The following GMPPB variants were observed in gnomAD, a reference collection of about 807,000 sequenced individuals.
GMPPB encodes the protein mannose-1-phosphate guanylyltransferase catalytic subunit beta.
In GMPPB, 38 loss-of-function variants were observed where a neutral mutation model predicts 40.3. The ratio of observed to expected loss-of-function variants is 0.94; its 90% CI spans 0.73 to 1.24. GMPPB has a LOEUF of 1.24. Among genes scored for constraint, GMPPB ranks in the 50% most tolerant of loss-of-function variants. The pLI, the probability that GMPPB is intolerant of heterozygous loss-of-function variation, is 0.00. For synonymous variants in GMPPB, 193 were observed against 191.8 expected, an observed-to-expected ratio of 1.01 and a Z score of -0.05; for missense variants, 436 against 487.1, an observed-to-expected ratio of 0.90 and a Z score of 0.99.
At position 49,723,749 on chromosome 3, in the gene GMPPB, G is replaced by T; in HGVS notation, c.-23C>A. ...CATCGCGCCTGCGGACGTTGAGGGGGTGTCCCGGGCTCTGAGGTGCCTGCA... is the reference window on the plus strand; with the variant it reads ...CATCGCGCCTGCGGACGTTGAGGGGTTGTCCCGGGCTCTGAGGTGCCTGCA... On this transcript the variant is annotated 5_prime_UTR_variant, in exon 1 of 9. Coordinates refer to ENST00000308388, the MANE Select transcript of GMPPB (RefSeq NM_021971.4). The T allele has an allele frequency of 6.4e-7, 1 of 1,570,952 alleles. No individual in the cohort carries two copies. The highest frequency in any genetic ancestry group is 8.6e-7 in the Non-Finnish European group (1 of 1,165,348).
chr3:49,722,403 A>AC, intron 6 of GMPPB, 29 bp downstream of exon 6: 4 of 1,613,114 alleles, frequency 2.5e-6, no homozygotes, highest in South Asian at 1.1e-5. Flanking sequence ...GCCACAGACC[A>AC]CCCCCACCCT....
Position 49,723,714 on chromosome 3 carries a change from T to C in GMPPB, c.13A>G (p.Ile5Val). MKAL[I>V]LVGGYGTRLR... ...CGCGTCCCATAGCCCCCCACTAAGATCAGTGCCTTCATCGCGCCTGCGGAC... is the reference window on the plus strand; with the variant it reads ...CGCGTCCCATAGCCCCCCACTAAGACCAGTGCCTTCATCGCGCCTGCGGAC... The change falls in exon 1 of 9, where the codon ATC (isoleucine) becomes GTC (valine). Residue 5 changes from isoleucine to valine, a missense_variant. Coordinates refer to ENST00000308388, the MANE Select transcript of GMPPB (RefSeq NM_021971.4). The C allele has an allele frequency of 6.3e-7, 1 of 1,589,962 alleles. No individual in the cohort carries two copies.
chr3:49,720,999 C>T lies in GMPPB; in HGVS notation c.*753G>A, dbSNP rs372037773. On this transcript the variant is annotated 3_prime_UTR_variant, in exon 9 of 9. Transcript: ENST00000308388. ...AGCCAGGCATCCAACTCCAGCCCACCCTTCACTCTCCTCCCTGCAGCCCAC... is the reference window on the plus strand; with the variant it reads ...AGCCAGGCATCCAACTCCAGCCCACTCTTCACTCTCCTCCCTGCAGCCCAC... 2 of 1,609,446 alleles carry T rather than the reference C, an allele frequency of 1.2e-6. No homozygotes were observed. The highest frequency in any genetic ancestry group is 2.7e-5 in the African/African-American group (2 of 74,986).
chr3:49,720,636 G>A lies in GMPPB; in HGVS notation c.*1116C>T, dbSNP rs754168663. 2.6e-5 allele frequency: 42 copies of A among 1,600,690 alleles called. No individual in the cohort carries two copies. Among genetic ancestry groups the A allele is most frequent in the African/African-American group, 2.3e-4 (17 of 74,818 alleles). On this transcript the variant is annotated 3_prime_UTR_variant, in exon 9 of 9. Coordinates refer to ENST00000308388, the MANE Select transcript of GMPPB (RefSeq NM_021971.4). ...GCTCTGCCAGCCCCTGACCGGAAGC[G>A]CTTCTCCCTGCAGAGCTGTGAGTGG...
chr3:49,721,180 T>C lies in GMPPB; in HGVS notation c.*572A>G, dbSNP rs757971205. 44 of 1,614,040 alleles carry C rather than the reference T, an allele frequency of 2.7e-5. No individual in the cohort carries two copies. Among genetic ancestry groups the C allele is most frequent in the Non-Finnish European group, 3.6e-5 (43 of 1,180,032 alleles). The stretch of plus-strand genomic sequence containing the variant: ...GGGCAGTCCTCATCCCCTCCCCTGT[T>C]GTAGAGCCTGTATCAACCAGCACCT... On this transcript the variant is annotated 3_prime_UTR_variant, in exon 9 of 9. Transcript: ENST00000308388.
intron 4 of GMPPB, 66 bp from the exon 5 acceptor site, chr3:49,722,820 C>A: frequency 6.4e-7 from 1 of 1,551,872 alleles, no homozygotes; most frequent in Admixed American, 1.8e-5. Flanking sequence ...ACATGCCGTT[C>A]CAGATCTCAA....
rs543562624 is a variant in GMPPB, at chr3:49,720,759, C to A, written c.*993G>T. ...TGGGAATATTCAAGAGGCATCACAT[C>A]CTCAGCTACCTCTGACTTGACACTA... On this transcript the variant is annotated 3_prime_UTR_variant, in exon 9 of 9. Coordinates refer to ENST00000308388, the MANE Select transcript of GMPPB (RefSeq NM_021971.4). 7 of 1,612,060 alleles carry A rather than the reference C, an allele frequency of 4.3e-6. No individual in the cohort carries two copies. Among genetic ancestry groups the A allele is most frequent in the Admixed American group, 1.7e-5 (1 of 60,002 alleles).
intron 4 of GMPPB, 61 bp from the exon 5 acceptor site, chr3:49,722,815 C>A: frequency 6.4e-7 from 1 of 1,557,556 alleles, no homozygotes. Flanking sequence ...GATACACATG[C>A]CGTTCCAGAT....
At chr3:49,722,169 C>A (rs1251073831) in intron 7 of GMPPB, 22 bp from the exon 8 acceptor site, 8 of 1,606,540 alleles carry the variant, frequency 5.0e-6, no homozygotes, top group Non-Finnish European at 6.8e-6. Flanking sequence ...GGGAAAAATA[C>A]AAGTGGGCCA....
chr3:49,723,072 G>A lies in GMPPB; in HGVS notation c.302C>T (p.Ala101Val), dbSNP rs2080447328. The change falls in exon 4 of 9, where the codon GCA becomes GTA. Residue 101 changes from alanine (A) to valine (V), a missense_variant. By Grantham distance (64) the Ala-to-Val change is moderately conservative. Transcript: ENST00000308388. Reference sequence around the variant, plus strand: ...ACTGTTGAGGACGAAGAAAGGGTCTGCAGTCTCAGAGAGTAGGTCACGGGC... The same window carrying A: ...ACTGTTGAGGACGAAGAAAGGGTCTACAGTCTCAGAGAGTAGGTCACGGGC... ...ALARDLLSET[A>V]DPFFVLNSDV... 2 of 1,613,564 alleles carry A rather than the reference G, an allele frequency of 1.2e-6. No individual in the cohort carries two copies. Among genetic ancestry groups the A allele is most frequent in the African/African-American group, 2.7e-5 (2 of 74,906 alleles).
At position 49,720,319 on chromosome 3, in the gene GMPPB, A is replaced by G; in HGVS notation, c.*1433T>C. 2.6e-6 allele frequency: 1 copy of G among 377,590 alleles called. No homozygotes were observed. Among genetic ancestry groups the G allele is most frequent in the East Asian group, 4.7e-5 (1 of 21,252 alleles). 23.4% of individuals were successfully genotyped at this position (377,590 alleles called of 1,614,324 possible). ...CAACAGAGCGAGACTCGTCTCAAGA[A>G]AAAAAAAAAAAAAACAGGCTGTGTG... On this transcript the variant is annotated 3_prime_UTR_variant, in exon 9 of 9. Coordinates refer to ENST00000308388, the MANE Select transcript of GMPPB (RefSeq NM_021971.4).
intron 4 of GMPPB, 21 bp from the exon 5 acceptor site, chr3:49,722,775 C>T (rs1316514053): frequency 6.2e-7 from 1 of 1,602,012 alleles, no homozygotes. Flanking sequence ...GGAAGGGGAC[C>T]TCGGACCTAG....
chr3:49,722,446 G>C lies in GMPPB; in HGVS notation c.626C>G (p.Ala209Gly), dbSNP rs1277277997. The C allele has an allele frequency of 6.2e-7, 1 of 1,614,154 alleles. No individual in the cohort carries two copies. Among genetic ancestry groups the C allele is most frequent in the Non-Finnish European group, 8.5e-7 (1 of 1,180,012 alleles). Residue 209 changes from alanine to glycine, a missense_variant, in exon 6 of 9, where the codon GCC becomes GGC. Transcript: ENST00000308388. ...PIMAKEGQLY[A>G]MELQGFWMDI... ...CCCTGCCTCACCCTGTAACTCCATG[G>C]CATATAGCTGCCCCTCCTTGGCCAT...
rs1482526462 is a variant in GMPPB, at chr3:49,722,583, G to C, written c.561+13C>G. ...GCCCCACCCCAGCCCACCAACAGCT[G>C]TCTCCTACACACCTGGATGCGCTGC... On this transcript the variant is annotated intron_variant, in intron 5 of 8. Transcript: ENST00000308388. The C allele has an allele frequency of 6.2e-7, 1 of 1,613,622 alleles. No individual in the cohort carries two copies. The highest frequency in any genetic ancestry group is 1.7e-5 in the Admixed American group (1 of 60,014).
Position 49,720,629 on chromosome 3 carries a change from C to G in GMPPB, c.*1123G>C, listed in dbSNP as rs762516169. The G allele has an allele frequency of 1.9e-6, 3 of 1,602,180 alleles. No individual in the cohort carries two copies. Among genetic ancestry groups the G allele is most frequent in the South Asian group, 1.1e-5 (1 of 90,064 alleles). On this transcript the variant is annotated 3_prime_UTR_variant, in exon 9 of 9. Coordinates refer to ENST00000308388, the MANE Select transcript of GMPPB (RefSeq NM_021971.4). ...TGGCACTGCTCTGCCAGCCCCTGAC[C>G]GGAAGCGCTTCTCCCTGCAGAGCTG... is the stretch of plus-strand genomic sequence containing the variant.
In GMPPB at chr3:49,723,838, A is replaced by C; in HGVS notation, c.-112T>G. On this transcript the variant is annotated 5_prime_UTR_variant, in exon 1 of 9. Coordinates refer to ENST00000308388, the MANE Select transcript of GMPPB (RefSeq NM_021971.4). Reference sequence around the variant, plus strand: ...GTGCCCGGCCCCGCGCCCTTCACCAACCCGCCTGACAGACTCTGGCTCCAC... The same window carrying C: ...GTGCCCGGCCCCGCGCCCTTCACCACCCCGCCTGACAGACTCTGGCTCCAC... The C allele has an allele frequency of 4.0e-6, 5 of 1,251,574 alleles. No individual in the cohort carries two copies. The highest frequency in any genetic ancestry group is 5.3e-6 in the Non-Finnish European group (5 of 937,316). 77.5% of individuals were successfully genotyped at this position (1,251,574 alleles called of 1,614,324 possible).
Position 49,723,938 on chromosome 3 carries a change from C to G in GMPPB, c.-212G>C. 6.1e-6 allele frequency: 3 copies of G among 489,068 alleles called. No individual in the cohort carries two copies. Among genetic ancestry groups the G allele is most frequent in the Non-Finnish European group, 1.1e-5 (3 of 284,470 alleles). The allele number at this position is 489,068 out of a possible 1,614,324, so 30.3% of individuals were successfully genotyped here. A position where few individuals can be genotyped will look rare whatever the true frequency, so the allele number is the denominator to read the frequency against. On this transcript the variant is annotated 5_prime_UTR_variant, in exon 1 of 9. Coordinates refer to ENST00000308388, the MANE Select transcript of GMPPB (RefSeq NM_021971.4). ...GAACGCGACACCGGGTAGACGGCTG[C>G]TGGCCCCGAACTCAGGCCGGACCCG... is the stretch of plus-strand genomic sequence containing the variant.
At position 49,720,196 on chromosome 3, in the gene GMPPB, A is replaced by ATTCCAGC. The variant is rs1365229799; in HGVS notation, c.*1549_*1555dup. ...CCGGGCGTGGTGGTGGGCGTCTGCA[A>ATTCCAGC]TTCCAGCTACTCGGGAGGCTAAAGC... On this transcript the variant is annotated 3_prime_UTR_variant, in exon 9 of 9. Transcript: ENST00000308388. 8.2e-5 allele frequency: 16 copies of ATTCCAGC among 194,844 alleles called. No individual in the cohort carries two copies. Among genetic ancestry groups the ATTCCAGC allele is most frequent in the Non-Finnish European group, 1.5e-4 (14 of 96,314 alleles). The allele number at this position is 194,844 out of a possible 1,614,324, so 12.1% of individuals were successfully genotyped here.
Position 49,720,333 on chromosome 3 carries a change from AC to A in GMPPB, c.*1418del. The A allele has an allele frequency of 1.6e-5, 8 of 502,236 alleles. No homozygotes were observed. The highest frequency in any genetic ancestry group is 3.4e-5 in the East Asian group (1 of 29,708). 31.1% of individuals were successfully genotyped at this position (502,236 alleles called of 1,614,324 possible). On this transcript the variant is annotated 3_prime_UTR_variant, in exon 9 of 9. Transcript: ENST00000308388. Reference sequence around the variant, plus strand: ...TCGTCTCAAGAAAAAAAAAAAAAAAACAGGCTGTGTGGCACCTTACTAGAAT... The same window carrying A: ...TCGTCTCAAGAAAAAAAAAAAAAAAAAGGCTGTGTGGCACCTTACTAGAAT...
Sources: allele counts gnomAD v4.1 joint callset, GRCh38; gene constraint gnomAD v4.1.1; transcripts MANE v1.5; gene names NCBI Gene and HGNC (gene_info 2026-07-23, HGNC 2026-07-21).